Variants in RPL6 observed in about 807,000 individuals in gnomAD.
The protein encoded by RPL6 is large ribosomal subunit protein eL6.
A neutral mutation model predicts 32.1 loss-of-function variants in RPL6; 1 was observed. The observed-to-expected ratio is 0.03, with a 90% confidence interval of 0.01 to 0.15. RPL6 has a LOEUF of 0.15. Ranked by LOEUF, RPL6 falls within the 10% of genes least tolerant of loss-of-function variation. The probability of loss-of-function intolerance (pLI) is 1.00; values close to 1 mark genes in which losing one functional copy is unlikely to be tolerated. For missense variants in RPL6, 275 were observed against 354.6 expected, an observed-to-expected ratio of 0.78 and a Z score of 1.80; for synonymous variants, 126 against 131.6, an observed-to-expected ratio of 0.96 and a Z score of 0.29.
At chr12:112,408,125 T>C (rs766062045) in intron 3 of RPL6, 115 bp downstream of exon 3, 166 of 751,878 alleles carry the variant, frequency 2.2e-4, no homozygotes, top group Non-Finnish European at 3.5e-4. Context: ...GAGCCCTTTA[T>C]TTTCTATCAG....
At chr12:112,410,853 G>A (rs1250161631), upstream of RPL6, among the ~76,000 whole-genome samples, 1 of 152,136 alleles carries the variant, frequency 6.6e-6, no homozygotes. Flanking sequence ...AGGATTACAG[G>A]CGTGAGCCAC....
At chr12:112,409,564 G>T (rs1000351925) in intron 1 of RPL6, 23 bp downstream of exon 1, 5 of 398,508 alleles carry the variant, frequency 1.3e-5, no homozygotes, top group Non-Finnish European at 2.2e-5. Context: ...CTCAAGTCTT[G>T]CAGACAGGCC....
intron 4 of RPL6, 78 bp downstream of exon 4, chr12:112,406,669 A>G (rs2037177802): frequency 1.0e-5 from 16 of 1,550,664 alleles, no homozygotes; most frequent in Non-Finnish European, 1.3e-5. Flanking sequence ...AAGGAAAAGT[A>G]CACCTAGCGT....
intron 1 of RPL6, among the ~76,000 whole-genome samples, chr12:112,417,546 A>G (rs1358155841): frequency 7.9e-6 from 1 of 125,940 alleles, no homozygotes; most frequent in Non-Finnish European, 1.6e-5. Context: ...ATACTTCCGT[A>G]CCACCCGGCC....
At chr12:112,412,923 CAAAT>C (rs55801942), upstream of RPL6, among the ~76,000 whole-genome samples, 61,682 of 146,180 alleles carry the variant, frequency 0.42, 15,306 homozygotes, top group East Asian at 0.91. Flanking sequence ...GACTCTGTCT[CAAAT>C]AAATAAATAA....
At chr12:112,412,426 C>A (rs565746035), upstream of RPL6, among the ~76,000 whole-genome samples, 3 of 151,944 alleles carry the variant, frequency 2.0e-5, no homozygotes, top group Non-Finnish European at 4.4e-5. Context: ...CTGCTCACCT[C>A]GGCCTCCCAA....
Position 112,409,594 on chromosome 12 carries a change from G to C in RPL6, c.-8C>G, listed in dbSNP as rs2037298437. 7.5e-6 allele frequency: 3 copies of C among 398,404 alleles called. No homozygotes were observed. The highest frequency in any genetic ancestry group is 8.8e-6 in the Non-Finnish European group (2 of 226,038). The allele number at this position is 398,404 out of a possible 1,614,324, so 24.7% of individuals were successfully genotyped here. ...CAGGCCCGCGATTCTTACCTTGCAA[G>C]ATGGGAAAGAGAATTAAGGTCCCGG... On this transcript the variant is annotated 5_prime_UTR_variant, in exon 1 of 7. In the 5' UTR this introduces an upstream ATG that the reference lacks. Transcript: ENST00000202773.
chr12:112,412,140 C>T (rs916752249), upstream of RPL6, among the ~76,000 whole-genome samples: 30 of 151,416 alleles, frequency 2.0e-4, no homozygotes, highest in African/African-American at 2.9e-4. Flanking sequence ...CCCGGGTTCA[C>T]GCCATTCTCC....
chr12:112,411,555 A>G (rs753771919), upstream of RPL6: 1 of 152,176 alleles, frequency 6.6e-6, no homozygotes, highest in African/African-American at 2.4e-5. Flanking sequence ...AGAAACTTCA[A>G]CTGCAGAAAA....
At chr12:112,410,082 C>T (rs188211683), upstream of RPL6, among the ~76,000 whole-genome samples, 65 of 151,370 alleles carry the variant, frequency 4.3e-4, 1 homozygote, top group Admixed American at 4.1e-3. Context: ...CGTGCCACTG[C>T]GTGCCACCGC....
At chr12:112,412,374 C>T (rs1213873648), upstream of RPL6, among the ~76,000 whole-genome samples, 50 of 151,838 alleles carry the variant, frequency 3.3e-4, no homozygotes. Context: ...AGGATTTCAC[C>T]ATGTTGGCCA....
At chr12:112,406,514 A>G in intron 4 of RPL6, 172 bp from the exon 5 acceptor site, 1 of 794,468 alleles carries the variant, frequency 1.3e-6, no homozygotes, top group South Asian at 1.8e-5. Flanking sequence ...CTCCAGACAT[A>G]AACACGTTTT....
At chr12:112,406,421 AT>A (rs2037171029) in intron 4 of RPL6, 79 bp from the exon 5 acceptor site, 2 of 1,325,942 alleles carry the variant, frequency 1.5e-6, no homozygotes, top group African/African-American at 2.9e-5. Flanking sequence ...AGGCATCTAA[AT>A]TTGGGTAAAG....
In RPL6 at chr12:112,408,447, C is replaced by T. The variant is rs1409238295; in HGVS notation, c.210G>A (p.Lys70=). The T allele has an allele frequency of 3.1e-6, 5 of 1,614,074 alleles. No individual in the cohort carries two copies. The East Asian group carries it at 1.1e-4, about 36-fold the overall frequency. ...TGGATTTAGCGGCTGAGTACTTCCTCTTGTACATGGCCTTTCTGGAATACA... is the reference window on the plus strand; with the variant it reads ...TGGATTTAGCGGCTGAGTACTTCCTTTTGTACATGGCCTTTCTGGAATACA... The part of the protein sequence containing the change: ...SAMYSRKAMY[K]RKYSAAKSKV... Residue 70 remains lysine (K), a synonymous_variant, in exon 2 of 7, where the codon AAG becomes AAA. Transcript: ENST00000202773.
rs771602432 is a variant in RPL6, at chr12:112,408,608, C to T, written c.49G>A (p.Glu17Lys). Residue 17 changes from glutamate to lysine, a missense_variant, in exon 2 of 7, where the codon GAA becomes AAA. Transcript: ENST00000202773. ...EKPDTKEKKPEAKKVDAGGKV... is the reference protein window; with the variant it reads ...EKPDTKEKKPKAKKVDAGGKV... ...CCACCAGCATCAACCTTCTTGGCTT[C>T]GGGTTTCTTCTCTTTAGTATCTGGC... The T allele has an allele frequency of 1.9e-6, 3 of 1,585,776 alleles. No individual in the cohort carries two copies. Among genetic ancestry groups the T allele is most frequent in the Admixed American group, 1.8e-5 (1 of 55,576 alleles).
intron 4 of RPL6, 185 bp from the exon 5 acceptor site, chr12:112,406,527 A>T: frequency 1.2e-6 from 1 of 812,884 alleles, no homozygotes; most frequent in Non-Finnish European, 1.9e-6. Flanking sequence ...CACGTTTTTG[A>T]GTAAATGAAC....
chr12:112,410,434 G>A, upstream of RPL6: 1 of 179,728 alleles, frequency 5.6e-6, no homozygotes, highest in Non-Finnish European at 1.2e-5. Context: ...AAATTAAAGT[G>A]AGGATAACAA....
At chr12:112,417,385 G>A (rs920582327) in intron 1 of RPL6, among the ~76,000 whole-genome samples, 18 of 151,390 alleles carry the variant, frequency 1.2e-4, no homozygotes, top group Non-Finnish European at 2.2e-4. Context: ...TGAGTCATAT[G>A]CGCATCAATC....
chr12:112,409,402 C>G (rs941198551), intron 1 of RPL6, 185 bp downstream of exon 1: 26 of 398,450 alleles, frequency 6.5e-5, no homozygotes, highest in Middle Eastern at 6.3e-4. Context: ...CTACGGCATT[C>G]TACCTCACCC....
Sources: gnomAD v4.1 joint callset for allele counts (sites outside exome capture counted in the v4.1 genomes callset) on GRCh38, gnomAD v4.1.1 for gene constraint, MANE v1.5 for transcripts, NCBI Gene and HGNC (gene_info 2026-07-23, HGNC 2026-07-21) for gene names.